PFKP: variants seen among roughly 807,000 people sequenced by gnomAD.
The protein encoded by PFKP is ATP-dependent 6-phosphofructokinase, platelet type.
PFKP carries 101 observed loss-of-function variants against 94.3 expected under a neutral mutation model. That is an observed-to-expected ratio of 1.07 (90% confidence interval 0.91 to 1.26). PFKP has a LOEUF of 1.26. Among genes scored for constraint, PFKP ranks in the 50% most tolerant of loss-of-function variants. PFKP has a pLI of 0.00. For missense variants in PFKP, 1,145 were observed against 1,103.3 expected (o/e 1.04, Z -0.53); for synonymous variants, 573 against 432.6 (o/e 1.32, Z -4.03).
At chr10:3,091,585 C>T (rs539728104) in intron 2 of PFKP, among the ~76,000 whole-genome samples, 63 of 152,222 alleles carry the variant, frequency 4.1e-4, no homozygotes, top group African/African-American at 1.5e-3. Flanking sequence ...GAGGCTGAGG[C>T]GGATGGATCC....
At chr10:3,101,319 G>A (rs373729908) in intron 3 of PFKP, 46 bp from the exon 4 acceptor site, 52 of 1,459,730 alleles carry the variant, frequency 3.6e-5, no homozygotes, top group Middle Eastern at 2.1e-4. Context: ...TCCACCTGGC[G>A]CTCTCTCAGA....
At chr10:3,125,917 CGGT>C (rs1837898804) in intron 16 of PFKP, among the ~76,000 whole-genome samples, 4 of 152,212 alleles carry the variant, frequency 2.6e-5, no homozygotes, top group Admixed American at 2.0e-4. Context: ...GCAGACAGGA[CGGT>C]GGCCACCGTG....
intron 1 of PFKP, among the ~76,000 whole-genome samples, chr10:3,074,593 C>G (rs900332820): frequency 3.3e-5 from 5 of 152,202 alleles, no homozygotes; most frequent in Admixed American, 3.3e-4. Context: ...TGTCCACAGA[C>G]ACATCCCGCC....
At chr10:3,135,966 A>G (rs1449370013) in intron 21 of PFKP, 128 bp downstream of exon 21, 1 of 648,536 alleles carries the variant, frequency 1.5e-6, no homozygotes, top group Non-Finnish European at 2.8e-6. Context: ...AAGCTCAGTT[A>G]AAAAAATACT....
At chr10:3,097,027 A>G (rs11251714) in intron 2 of PFKP, among the ~76,000 whole-genome samples, 3,758 of 94,558 alleles carry the variant, frequency 0.04, 755 homozygotes, top group East Asian at 0.22. Context: ...GCAATGAGCC[A>G]AGATCACGCC....
rs925755212 is a variant in PFKP at position 3,136,576 on chromosome 10, C to T, written c.2352C>T (p.Val784=). The change falls in exon 22 of 22, where the codon GTC becomes GTT. Residue 784 remains valine (V), a synonymous_variant. Transcript: ENST00000381125. ...TGGAACATGTGCAGCCCTGGAGTGTCTGACCCAGTCCCGCCTGCATGTGCC... is the reference window on the plus strand; with the variant it reads ...TGGAACATGTGCAGCCCTGGAGTGTTTGACCCAGTCCCGCCTGCATGTGCC... ...GQLEHVQPWS[V] is the part of the protein sequence containing the mutation. 2.5e-6 allele frequency: 4 copies of T among 1,612,928 alleles called. No homozygotes were observed. The highest frequency in any genetic ancestry group is 3.4e-6 in the Non-Finnish European group (4 of 1,179,444).
At chr10:3,120,126 T>C (rs529759188) in intron 16 of PFKP, 82 bp downstream of exon 16, 3 of 1,014,010 alleles carry the variant, frequency 3.0e-6, no homozygotes, top group East Asian at 4.8e-5. Flanking sequence ...ACCAGTGCGC[T>C]AGAAATAGCC....
intron 13 of PFKP, among the ~76,000 whole-genome samples, chr10:3,114,349 C>G (rs1368228805): frequency 6.6e-6 from 1 of 152,160 alleles, no homozygotes; most frequent in African/African-American, 2.4e-5. Context: ...GGGGTTTCAT[C>G]ATGTTGGCCA....
chr10:3,110,441 C>CT (rs1836075772), intron 10 of PFKP, among the ~76,000 whole-genome samples: 1 of 136,204 alleles, frequency 7.3e-6, no homozygotes, highest in Non-Finnish European at 1.5e-5. Flanking sequence ...TGGTCTGGAT[C>CT]TCCTGACCTT....
chr10:3,119,513 G>A (rs1452187139), intron 15 of PFKP, among the ~76,000 whole-genome samples: 2 of 152,146 alleles, frequency 1.3e-5, no homozygotes, highest in African/African-American at 4.8e-5. Context: ...GCTGAGGCAG[G>A]AGAATCGCTT....
chr10:3,086,686 A>T (rs192144973), intron 2 of PFKP, among the ~76,000 whole-genome samples: 2 of 151,788 alleles, frequency 1.3e-5, no homozygotes, highest in Middle Eastern at 3.4e-3. Context: ...GAATGTTGTT[A>T]GCTGGGGAGG....
intron 3 of PFKP, among the ~76,000 whole-genome samples, chr10:3,099,820 G>A (rs902841714): frequency 6.6e-6 from 1 of 152,012 alleles, no homozygotes; most frequent in Non-Finnish European, 1.5e-5. Context: ...GAGAGTTGAA[G>A]TGCGTATGTG....
At chr10:3,076,655 G>A (rs1247006603) in intron 1 of PFKP, among the ~76,000 whole-genome samples, 1 of 152,034 alleles carries the variant, frequency 6.6e-6, no homozygotes, top group African/African-American at 2.4e-5. Context: ...TCTCCTGATC[G>A]GAACAAGCTC....
intron 10 of PFKP, among the ~76,000 whole-genome samples, chr10:3,111,077 C>T (rs1247298955): frequency 6.7e-6 from 1 of 149,518 alleles, no homozygotes; most frequent in African/African-American, 2.5e-5. Context: ...TGAGGTAATG[C>T]ATCTGCATGT....
chr10:3,071,861 C>G (rs1242402719), intron 1 of PFKP, among the ~76,000 whole-genome samples: 1 of 152,336 alleles, frequency 6.6e-6, no homozygotes, highest in Non-Finnish European at 1.5e-5. Context: ...GTGGCAGGGC[C>G]TCAGTGATCC....
chr10:3,094,564 C>T (rs545687925), intron 2 of PFKP, among the ~76,000 whole-genome samples: 1 of 152,210 alleles, frequency 6.6e-6, no homozygotes, highest in African/African-American at 2.4e-5. Context: ...GTGAGCAGGG[C>T]TTGGGATGTG....
At chr10:3,121,971 G>T (rs1377878498) in intron 16 of PFKP, among the ~76,000 whole-genome samples, 1 of 151,748 alleles carries the variant, frequency 6.6e-6, no homozygotes, top group Non-Finnish European at 1.5e-5. Flanking sequence ...ACAGGTGGGT[G>T]CCACCGTGCC....
chr10:3,125,114 C>A, intron 16 of PFKP: 2 of 1,317,462 alleles, frequency 1.5e-6, no homozygotes, highest in Non-Finnish European at 2.0e-6. Context: ...AGAGTGCGTG[C>A]GACATGGCCG....
chr10:3,081,303 T>G (rs968626713), intron 1 of PFKP, among the ~76,000 whole-genome samples: 1 of 152,242 alleles, frequency 6.6e-6, no homozygotes, highest in Admixed American at 6.5e-5. Flanking sequence ...ACCGTCCAAG[T>G]GCACATAGCC....
Sources: gnomAD v4.1 joint callset for allele counts (sites outside exome capture counted in the v4.1 genomes callset) on GRCh38, gnomAD v4.1.1 for gene constraint, MANE v1.5 for transcripts, NCBI Gene and HGNC (gene_info 2026-07-23, HGNC 2026-07-21) for gene names.